KLRG1: variants seen among roughly 807,000 people sequenced by gnomAD.
The protein encoded by KLRG1 is killer cell lectin-like receptor subfamily G member 1.
In KLRG1, 16 loss-of-function variants were observed where a neutral mutation model predicts 21.8. The ratio of observed to expected loss-of-function variants is 0.73; its 90% CI spans 0.50 to 1.11. KLRG1 has a LOEUF of 1.11. KLRG1 is among the 50% of genes most tolerant of loss of function. The pLI is 0.00. For synonymous variants in KLRG1, 69 were observed against 75.9 expected (o/e 0.91, Z 0.47); for missense variants, 173 against 218.3 (o/e 0.79, Z 1.31).
the KLRG1 span, among the ~76,000 whole-genome samples, chr12:9,039,124 A>G: frequency 1.8e-4 from 28 of 152,348 alleles, no homozygotes; most frequent in African/African-American, 6.5e-4. Context: ...TGTTCATTCA[A>G]TAAGTTGGTC....
chr12:9,045,387 C>T, the KLRG1 span, among the ~76,000 whole-genome samples: 6 of 152,012 alleles, frequency 3.9e-5, no homozygotes, highest in African/African-American at 9.7e-5. Context: ...TAAACACAGC[C>T]GAACTCCTAG....
Position 8,979,559 on chromosome 12 carries a change from C to G in KLRG1, c.-155-12647C>G, listed in dbSNP as rs60819301. Among the ~76,000 whole-genome samples, 831 of 152,104 alleles carry G rather than the reference C, an allele frequency of 5.5e-3. 8 individuals carry two copies. Among genetic ancestry groups the G allele is most frequent in the African/African-American group, 0.019 (797 of 41,470 alleles). ...AGGTGTAGACTTCTTTATGTTTAACCTACTTGGAATCTTTTAGGATTCCTG... is the reference window on the plus strand; with the variant it reads ...AGGTGTAGACTTCTTTATGTTTAACGTACTTGGAATCTTTTAGGATTCCTG... On this transcript the variant is annotated intron_variant, in intron 1 of 4. Coordinates refer to the KLRG1 transcript ENST00000539240.
the KLRG1 span, among the ~76,000 whole-genome samples, chr12:9,171,944 C>T: frequency 4.6e-5 from 7 of 152,080 alleles, no homozygotes; most frequent in Non-Finnish European, 1.0e-4. Flanking sequence ...GAGAACTTCC[C>T]CAACCTAGCA....
the KLRG1 span, among the ~76,000 whole-genome samples, chr12:9,098,119 T>A: frequency 6.6e-6 from 1 of 152,236 alleles, no homozygotes; most frequent in African/African-American, 2.4e-5. Context: ...ATTTTAAATA[T>A]ATAATTTTCG....
chr12:9,076,968 T>C, the KLRG1 span: 114 of 1,520,918 alleles, frequency 7.5e-5, no homozygotes, highest in Non-Finnish European at 1.0e-4. Flanking sequence ...GGAACTAAGC[T>C]ATGTAAACAG....
the KLRG1 span, among the ~76,000 whole-genome samples, chr12:9,132,658 T>C: frequency 3.4e-5 from 5 of 147,056 alleles, no homozygotes; most frequent in East Asian, 3.9e-4. Context: ...CAAAGTAAGA[T>C]TACAACAGTG....
At chr12:9,214,461 T>C in the KLRG1 span, among the ~76,000 whole-genome samples, 2 of 152,056 alleles carry the variant, frequency 1.3e-5, no homozygotes, top group Admixed American at 6.6e-5. Context: ...GTCTTCCAAC[T>C]CGTGAGCATG....
chr12:9,060,264 T>C, the KLRG1 span, among the ~76,000 whole-genome samples: 2 of 151,322 alleles, frequency 1.3e-5, no homozygotes, highest in Non-Finnish European at 2.9e-5. Flanking sequence ...CCTCATGATC[T>C]GCCCACCTTG....
At chr12:8,970,902 A>C (rs1299689611) in intron 1 of KLRG1, among the ~76,000 whole-genome samples, 4 of 152,202 alleles carry the variant, frequency 2.6e-5, no homozygotes, top group African/African-American at 9.6e-5. Flanking sequence ...TTAATATGGC[A>C]AAGTACATTG....
At chr12:8,989,525 G>A (rs1946904595), upstream of KLRG1, 1 of 677,890 alleles carries the variant, frequency 1.5e-6, no homozygotes. Flanking sequence ...CTGCTTTTGT[G>A]AAGTTTCCTG....
At chr12:8,978,680 CTTT>C (rs1232741473) in intron 1 of KLRG1, among the ~76,000 whole-genome samples, 2 of 124,502 alleles carry the variant, frequency 1.6e-5, no homozygotes, top group African/African-American at 5.7e-5. Flanking sequence ...TTCTTTCTTT[CTTT>C]CTTTCTTTTT....
At chr12:9,018,747 C>A in the KLRG1 span, among the ~76,000 whole-genome samples, 1 of 149,504 alleles carries the variant, frequency 6.7e-6, no homozygotes, top group Non-Finnish European at 1.5e-5. Context: ...AGAAACTAGA[C>A]CCTCCTCTCT....
At chr12:9,031,255 C>A in the KLRG1 span, among the ~76,000 whole-genome samples, 1 of 152,122 alleles carries the variant, frequency 6.6e-6, no homozygotes, top group African/African-American at 2.4e-5. Context: ...TTCAGTTCCT[C>A]AGAATCAAGA....
At chr12:9,134,815 A>G in the KLRG1 span, among the ~76,000 whole-genome samples, 6 of 152,214 alleles carry the variant, frequency 3.9e-5, no homozygotes, top group African/African-American at 1.4e-4. Flanking sequence ...CTCTGCAGCC[A>G]GGGGTGGAGG....
upstream of KLRG1, among the ~76,000 whole-genome samples, chr12:8,986,079 A>C (rs149787681): frequency 3.3e-5 from 5 of 152,338 alleles, no homozygotes; most frequent in East Asian, 9.6e-4. Flanking sequence ...GAAACTGTGG[A>C]TGAAAACCAA....
chr12:8,970,475 T>A (rs959864341), intron 1 of KLRG1: 5 of 152,246 alleles, frequency 3.3e-5, no homozygotes, highest in African/African-American at 4.8e-5. Flanking sequence ...AAATTGAATT[T>A]ATGGTTAAAG....
At chr12:9,069,111 T>C in the KLRG1 span, 2,767 of 261,240 alleles carry the variant, frequency 0.011, 76 homozygotes, top group African/African-American at 0.057. Context: ...TTTTATTGGA[T>C]GACTAACTGT....
the KLRG1 span, among the ~76,000 whole-genome samples, chr12:9,121,182 G>A: frequency 7.2e-5 from 11 of 152,062 alleles, no homozygotes; most frequent in East Asian, 1.9e-4. This position sits in a 1 kb window ranked among gnomAD's most constrained non-coding sequence, Gnocchi z 4.4. Flanking sequence ...CATCATACCC[G>A]GACTTTCTGC....
chr12:9,203,615 A>G, the KLRG1 span, among the ~76,000 whole-genome samples: 1 of 152,140 alleles, frequency 6.6e-6, no homozygotes, highest in Admixed American at 6.5e-5. Context: ...TGCTGGGATT[A>G]CAGGCGTGAG....
Sources: gnomAD v4.1 joint callset for allele counts (sites outside exome capture counted in the v4.1 genomes callset) on GRCh38, gnomAD v4.1.1 for gene constraint, Gnocchi (gnomAD v3.1) non-coding constraint, MANE v1.5 for transcripts, NCBI Gene and HGNC (gene_info 2026-07-23, HGNC 2026-07-21) for gene names.